The following SORBS2 variants were observed in gnomAD, a reference collection of about 807,000 sequenced individuals.
SORBS2 encodes sorbin and SH3 domain-containing protein 2.
In SORBS2, 46 loss-of-function variants were observed where a neutral mutation model predicts 97.7. The ratio of observed to expected loss-of-function variants is 0.47; its 90% CI spans 0.37 to 0.60. The LOEUF (loss-of-function observed/expected upper bound fraction) is 0.60. SORBS2 is among the 20% of genes least tolerant of loss of function. The pLI, the probability that SORBS2 is intolerant of heterozygous loss-of-function variation, is 0.00. For missense variants in SORBS2, 1,316 were observed against 1,282.3 expected, an observed-to-expected ratio of 1.03 and a Z score of -0.40; for synonymous variants, 476 against 473.4, an observed-to-expected ratio of 1.01 and a Z score of -0.07.
At chr4:185,913,556 A>G (rs1323640867) in intron 1 of SORBS2, among the ~76,000 whole-genome samples, 1 of 152,210 alleles carries the variant, frequency 6.6e-6, no homozygotes, top group Non-Finnish European at 1.5e-5. Flanking sequence ...GTAAGACTGA[A>G]GAAGTCACTT....
intron 1 of SORBS2, among the ~76,000 whole-genome samples, chr4:185,783,008 A>G (rs765631871): frequency 2.6e-5 from 4 of 152,242 alleles, no homozygotes; most frequent in Non-Finnish European, 5.9e-5. Flanking sequence ...CTTTTCTGAG[A>G]CATTAAAAAA....
At chr4:185,639,431 T>C (rs775616775) in intron 4 of SORBS2, among the ~76,000 whole-genome samples, 5 of 152,176 alleles carry the variant, frequency 3.3e-5, no homozygotes, top group Admixed American at 6.5e-5. Flanking sequence ...GTTTTTAAGA[T>C]GAAAAAACTA....
intron 1 of SORBS2, among the ~76,000 whole-genome samples, chr4:185,888,501 T>G (rs2149795640): frequency 6.6e-6 from 1 of 152,328 alleles, no homozygotes; most frequent in South Asian, 2.1e-4. Context: ...CATCTTGGTT[T>G]TGAATTTCTG....
chr4:185,924,291 A>C (rs1371379593), intron 1 of SORBS2, among the ~76,000 whole-genome samples: 1 of 152,174 alleles, frequency 6.6e-6, no homozygotes, highest in Non-Finnish European at 1.5e-5. Flanking sequence ...ACAAGGAGGG[A>C]GCCTGCCTTA....
At chr4:185,929,312 C>T (rs911378877) in intron 1 of SORBS2, among the ~76,000 whole-genome samples, 2 of 152,178 alleles carry the variant, frequency 1.3e-5, no homozygotes, top group African/African-American at 4.8e-5. Flanking sequence ...CCAGTTAACA[C>T]TCAGAGGGTG....
At chr4:185,950,792 G>A (rs1551437) in intron 1 of SORBS2, among the ~76,000 whole-genome samples, 1 of 151,966 alleles carries the variant, frequency 6.6e-6, no homozygotes, top group East Asian at 1.9e-4. Flanking sequence ...TTTGGAAATC[G>A]CACTATGGCC....
chr4:185,831,675 A>G (rs1023098149), intron 1 of SORBS2, among the ~76,000 whole-genome samples: 2 of 152,196 alleles, frequency 1.3e-5, no homozygotes, highest in African/African-American at 4.8e-5. Flanking sequence ...GGTGTTGGCC[A>G]TGGAGTGGTA....
intron 4 of SORBS2, among the ~76,000 whole-genome samples, chr4:185,641,188 A>G (rs1188280181): frequency 6.6e-6 from 1 of 152,186 alleles, no homozygotes; most frequent in Non-Finnish European, 1.5e-5. Context: ...CATACCTTAG[A>G]ATGGCAGTTT....
Position 185,926,722 on chromosome 4 carries a change from T to C in SORBS2, c.-338+29474A>G, listed in dbSNP as rs1469907253. Among the ~76,000 whole-genome samples the C allele has an allele frequency of 2.0e-5, 3 of 152,270 alleles. No individual in the cohort carries two copies. The East Asian group carries it at 5.8e-4, about 29-fold the overall frequency. On this transcript the variant is annotated intron_variant, in intron 1 of 20. Coordinates refer to the SORBS2 transcript ENST00000284776. ...ACCTTTGCCCATATCTCTGTTTACT[T>C]AGGAAACATGCGAGGTTAATTGACA...
intron 7 of SORBS2, among the ~76,000 whole-genome samples, chr4:185,620,810 A>G (rs1581132627): frequency 6.6e-6 from 1 of 152,214 alleles, no homozygotes; most frequent in Non-Finnish European, 1.5e-5. Flanking sequence ...AAAGAAACAA[A>G]GAGATATTGT....
At chr4:185,849,335 C>G (rs962482919) in intron 1 of SORBS2, among the ~76,000 whole-genome samples, 1 of 152,122 alleles carries the variant, frequency 6.6e-6, no homozygotes, top group African/African-American at 2.4e-5. Context: ...AGGCTCAGCC[C>G]ATTGTATTTT....
chr4:185,838,359 C>T (rs948101521), intron 1 of SORBS2, among the ~76,000 whole-genome samples: 1 of 152,236 alleles, frequency 6.6e-6, no homozygotes, highest in Non-Finnish European at 1.5e-5. Flanking sequence ...CTTGGGCAGG[C>T]CACCATCATG....
chr4:185,623,052 G>C lies in SORBS2; in HGVS notation c.2077C>G (p.Pro693Ala), dbSNP rs765099023. 6.2e-7 allele frequency: 1 copy of C among 1,614,196 alleles called. No homozygotes were observed. Among genetic ancestry groups the C allele is most frequent in the South Asian group, 1.1e-5 (1 of 91,078 alleles). The stretch of plus-strand genomic sequence containing the variant: ...TGAATAGCACCATCGGGAGGCAGTG[G>C]GTGGAGAGGCTGGTGCAGGGGGCTC... The change falls in exon 7 of 15, where the codon CCA becomes GCA. Residue 693 changes from proline to alanine, a missense_variant. Transcript: ENST00000418609. The surrounding 1 kb of genome is among the most constrained non-coding windows in gnomAD (Gnocchi z 6.4).
intron 14 of SORBS2, 28 bp downstream of exon 26, chr4:185,589,651 A>C (rs1347597849): frequency 7.4e-7 from 1 of 1,351,020 alleles, no homozygotes; most frequent in Admixed American, 1.7e-5. Context: ...AAAATAGCCG[A>C]AGGTGCCTGA....
intron 2 of SORBS2, among the ~76,000 whole-genome samples, chr4:185,741,744 A>C (rs1358647230): frequency 6.6e-6 from 1 of 152,010 alleles, no homozygotes; most frequent in Non-Finnish European, 1.5e-5. Context: ...AATAAATTAA[A>C]ATACATTTAA....
At chr4:185,664,778 A>G (rs1349275527) in intron 4 of SORBS2, among the ~76,000 whole-genome samples, 1 of 152,268 alleles carries the variant, frequency 6.6e-6, no homozygotes. Context: ...AAATTTGCAG[A>G]CTTATCAGCT....
At chr4:185,833,263 T>G (rs567655011) in intron 1 of SORBS2, among the ~76,000 whole-genome samples, 1 of 152,208 alleles carries the variant, frequency 6.6e-6, no homozygotes, top group African/African-American at 2.4e-5. Flanking sequence ...GGCTGATAAG[T>G]AACTGATCAG....
At chr4:185,753,690 A>T (rs1166021644) in intron 2 of SORBS2, among the ~76,000 whole-genome samples, 1 of 152,242 alleles carries the variant, frequency 6.6e-6, no homozygotes, top group East Asian at 1.9e-4. Context: ...TCCAAAAGAC[A>T]TACATGTAAT....
In SORBS2 at chr4:185,864,381, C is replaced by T. The variant is rs140674960; in HGVS notation, c.-337-89015G>A. Among the ~76,000 whole-genome samples, 53 of 152,202 alleles carry T rather than the reference C, an allele frequency of 3.5e-4. 2 individuals are homozygous for T. The East Asian group carries it at 9.8e-3, about 28-fold the overall frequency. The stretch of plus-strand genomic sequence containing the variant: ...GACCACGTTTATTTTTGTGATGCTC[C>T]GTTTATTACTTGTACAGTAAGACTT... On this transcript the variant is annotated intron_variant, in intron 1 of 20. Transcript: ENST00000284776.
Sources: allele counts gnomAD v4.1 joint callset (sites outside exome capture counted in the v4.1 genomes callset), GRCh38; gene constraint gnomAD v4.1.1; non-coding constraint Gnocchi (gnomAD v3.1); transcripts MANE v1.5; gene names NCBI Gene and HGNC (gene_info 2026-07-23, HGNC 2026-07-21).